The following SUGCT variants were observed in gnomAD, a reference collection of about 807,000 sequenced individuals.
SUGCT encodes the protein succinyl-CoA:glutarate CoA-transferase.
Under a neutral mutation model 55.0 loss-of-function variants are expected in SUGCT, and 41 were observed. The observed-to-expected ratio is 0.74, with a 90% CI of 0.58 to 0.97. The LOEUF is 0.97. Among genes scored for constraint, SUGCT ranks in the 50% least tolerant of loss-of-function variants. The pLI is 0.00. For missense variants in SUGCT, 568 were observed against 547.8 expected (o/e 1.04, Z -0.37); for synonymous variants, 187 against 200.4 (o/e 0.93, Z 0.56).
the SUGCT span, among the ~76,000 whole-genome samples, chr7:41,000,329 T>C: frequency 6.6e-6 from 1 of 152,112 alleles, no homozygotes; most frequent in Non-Finnish European, 1.5e-5. Flanking sequence ...TCTTGGATGG[T>C]AGGAGTTTGC....
chr7:40,570,235 T>A (rs1796369153), intron 12 of SUGCT, among the ~76,000 whole-genome samples: 1 of 152,250 alleles, frequency 6.6e-6, no homozygotes, highest in Non-Finnish European at 1.5e-5. Flanking sequence ...TACTAAAGAT[T>A]AATTTTCCTG....
At position 40,280,583 on chromosome 7, in the gene SUGCT, A is replaced by G. The variant is rs778194512; in HGVS notation, c.720+5927A>G. Among the ~76,000 whole-genome samples the G allele has an allele frequency of 2.6e-5, 4 of 152,302 alleles. No individual in the cohort carries two copies. In the East Asian group the frequency reaches 7.7e-4, roughly 29 times the overall value. On this transcript the variant is annotated intron_variant, in intron 8 of 13. Coordinates refer to ENST00000335693, the MANE Select transcript of SUGCT (RefSeq NM_001193313.2). Reference sequence around the variant, plus strand: ...TGATGTGACCATCCTTTACTCACACATGTACATTGATCATATTACATGAAC... The same window carrying G: ...TGATGTGACCATCCTTTACTCACACGTGTACATTGATCATATTACATGAAC...
At chr7:40,778,360 A>G (rs1335032762) in intron 13 of SUGCT, among the ~76,000 whole-genome samples, 1 of 152,244 alleles carries the variant, frequency 6.6e-6, no homozygotes, top group East Asian at 1.9e-4. Context: ...AGCCATTTCC[A>G]AAGCTAGCTT....
In SUGCT at chr7:40,189,529, T is replaced by TA. The variant is rs1491021423; in HGVS notation, c.313-15_313-14insA. ...CATCGAAATAATATATATATATATA[T>TA]TTTTTAATTTTTAGAGTATTGCTGT... is the stretch of plus-strand genomic sequence containing the variant. On this transcript the variant is annotated splice_polypyrimidine_tract_variant and intron_variant, in intron 4 of 13. Transcript: ENST00000335693. 7.2e-5 allele frequency: 73 copies of TA among 1,008,080 alleles called. No homozygotes were observed. The highest frequency in any genetic ancestry group is 1.5e-4 in the African/African-American group (9 of 58,240). 62.4% of individuals were successfully genotyped at this position (1,008,080 alleles called of 1,614,324 possible). A position where few individuals can be genotyped will look rare whatever the true frequency, so the allele number is the denominator to read the frequency against.
chr7:40,230,326 G>C (rs1788645433), intron 6 of SUGCT, among the ~76,000 whole-genome samples: 1 of 152,198 alleles, frequency 6.6e-6, no homozygotes, highest in Admixed American at 6.5e-5. Flanking sequence ...GTGGTGGCCA[G>C]AGATAAGATA....
chr7:40,804,111 G>C (rs749507828), intron 13 of SUGCT, among the ~76,000 whole-genome samples: 6 of 152,122 alleles, frequency 3.9e-5, no homozygotes, highest in Non-Finnish European at 8.8e-5. Flanking sequence ...TCTAGGAATT[G>C]ATTATCGCCT....
intron 13 of SUGCT, among the ~76,000 whole-genome samples, chr7:40,839,058 T>C (rs542090302): frequency 7.2e-5 from 11 of 152,168 alleles, no homozygotes; most frequent in African/African-American, 2.6e-4. Context: ...GTGAATTGCA[T>C]TGATTGATTT....
chr7:40,249,110 G>A (rs1217320911), intron 7 of SUGCT, among the ~76,000 whole-genome samples: 1 of 151,414 alleles, frequency 6.6e-6, no homozygotes, highest in African/African-American at 2.4e-5. Context: ...GGCCAAAATA[G>A]GAAAGCCCTG....
chr7:40,659,918 C>T (rs1801220048), intron 12 of SUGCT, among the ~76,000 whole-genome samples: 1 of 152,186 alleles, frequency 6.6e-6, no homozygotes. Flanking sequence ...TCTTGTTCCT[C>T]TCCTTATTAA....
At chr7:40,591,701 C>T (rs780448685) in intron 12 of SUGCT, among the ~76,000 whole-genome samples, 10 of 152,230 alleles carry the variant, frequency 6.6e-5, no homozygotes, top group East Asian at 3.9e-4. Context: ...CAGCAGCCAC[C>T]GCTTTGATCA....
rs1013646917 is a variant in SUGCT, at chr7:40,140,067, G to A, written c.100+4947G>A. Among the ~76,000 whole-genome samples, 26 of 151,654 alleles carry A rather than the reference G, an allele frequency of 1.7e-4. No homozygotes were observed. In the East Asian group the frequency reaches 3.9e-3, roughly 23 times the overall value. On this transcript the variant is annotated intron_variant, in intron 1 of 13. Transcript: ENST00000335693. The stretch of plus-strand genomic sequence containing the variant: ...ACAGGCATGCGCCACCATGCCCCGC[G>A]AATTTTTTGTGTGTTTAGTAGAGAC...
chr7:40,540,816 T>C (rs1474676980), intron 12 of SUGCT, among the ~76,000 whole-genome samples: 1 of 152,248 alleles, frequency 6.6e-6, no homozygotes, highest in Non-Finnish European at 1.5e-5. Context: ...TAACACCTTC[T>C]TCCTTCCCTC....
chr7:40,554,763 G>T (rs542996095), intron 12 of SUGCT, among the ~76,000 whole-genome samples: 38 of 152,028 alleles, frequency 2.5e-4, no homozygotes, highest in Non-Finnish European at 4.7e-4. Context: ...TTGTACTTTT[G>T]AGCCTAACAG....
intron 9 of SUGCT, among the ~76,000 whole-genome samples, chr7:40,368,972 C>T (rs951334306): frequency 6.6e-6 from 1 of 151,946 alleles, no homozygotes; most frequent in Non-Finnish European, 1.5e-5. Context: ...GGCATGGTGG[C>T]GGGTGCCTGT....
At chr7:40,141,930 C>G in intron 1 of SUGCT, 1 of 293,646 alleles carries the variant, frequency 3.4e-6, no homozygotes, top group East Asian at 9.6e-5. Flanking sequence ...ATGCACGTGG[C>G]CCCGCTGCTG....
At chr7:40,311,150 CTCTGTCACCAT>C (rs1795126121) in intron 8 of SUGCT, among the ~76,000 whole-genome samples, 1 of 152,192 alleles carries the variant, frequency 6.6e-6, no homozygotes, top group Non-Finnish European at 1.5e-5. Flanking sequence ...GGTTTCTCCT[CTCTGTCACCAT>C]TCTGTCTGCA....
chr7:40,231,736 T>G (rs1466974140), intron 6 of SUGCT, among the ~76,000 whole-genome samples: 5 of 152,214 alleles, frequency 3.3e-5, no homozygotes, highest in Admixed American at 3.3e-4. Context: ...TGGAGGTTTA[T>G]TTTAAGTGAC....
intron 12 of SUGCT, among the ~76,000 whole-genome samples, chr7:40,694,790 T>A (rs1784850519): frequency 6.6e-6 from 1 of 152,222 alleles, no homozygotes; most frequent in Admixed American, 6.5e-5. Context: ...CAGATCCCTC[T>A]TTTAAAAAGA....
At chr7:40,679,904 A>C (rs1784162869) in intron 12 of SUGCT, among the ~76,000 whole-genome samples, 1 of 152,184 alleles carries the variant, frequency 6.6e-6, no homozygotes, top group Non-Finnish European at 1.5e-5. Flanking sequence ...ACTGAAAGCT[A>C]CTTACCATAC....
Sources: gnomAD v4.1 joint callset for allele counts (sites outside exome capture counted in the v4.1 genomes callset) on GRCh38, gnomAD v4.1.1 for gene constraint, MANE v1.5 for transcripts, NCBI Gene and HGNC (gene_info 2026-07-23, HGNC 2026-07-21) for gene names.